Variants in XYLT1 observed in about 807,000 individuals in gnomAD.
XYLT1 encodes beta-D-xylosyltransferase 1.
A neutral mutation model predicts 91.3 loss-of-function variants in XYLT1; 36 were observed. That is an observed-to-expected ratio of 0.39 (90% CI 0.30 to 0.52). XYLT1 has a LOEUF of 0.52. Ranked by LOEUF, XYLT1 falls within the 20% of genes least tolerant of loss-of-function variation. XYLT1 has a pLI of 0.68. For synonymous variants in XYLT1, 588 were observed against 532.0 expected (o/e 1.11, Z -1.45); for missense variants, 1,242 against 1,284.5 (o/e 0.97, Z 0.51).
intron 1 of XYLT1, among the ~76,000 whole-genome samples, chr16:17,369,961 C>T (rs975640782): frequency 2.6e-5 from 4 of 152,196 alleles, no homozygotes; most frequent in Non-Finnish European, 5.9e-5. Context: ...CCCAGCTCTC[C>T]TTCTGTTCGG....
chr16:17,374,744 A>G (rs1019127375), intron 1 of XYLT1, among the ~76,000 whole-genome samples: 1 of 152,194 alleles, frequency 6.6e-6, no homozygotes, highest in African/African-American at 2.4e-5. Flanking sequence ...AGGTTAGAAA[A>G]CATCAATTTG....
chr16:17,216,027 G>A (rs1187182870), intron 3 of XYLT1, among the ~76,000 whole-genome samples: 1 of 152,234 alleles, frequency 6.6e-6, no homozygotes, highest in Admixed American at 6.5e-5. Context: ...GGGGTGGAAA[G>A]ACAGGCAGGG....
chr16:17,241,172 C>A (rs2033339732), intron 3 of XYLT1, among the ~76,000 whole-genome samples: 1 of 152,236 alleles, frequency 6.6e-6, no homozygotes, highest in Non-Finnish European at 1.5e-5. Flanking sequence ...CCACTGGGGT[C>A]CTCCCCATAG....
intron 3 of XYLT1, among the ~76,000 whole-genome samples, chr16:17,253,430 C>T (rs2033576262): frequency 6.6e-6 from 1 of 152,126 alleles, no homozygotes; most frequent in Non-Finnish European, 1.5e-5. Flanking sequence ...CACTGCAAAG[C>T]CATCCGGAGA....
chr16:17,130,335 G>C (rs1212232737), intron 9 of XYLT1, among the ~76,000 whole-genome samples: 1 of 152,242 alleles, frequency 6.6e-6, no homozygotes, highest in Admixed American at 6.5e-5. Flanking sequence ...CGTGACAATA[G>C]ACAAAGCACT....
At chr16:17,379,763 T>TCTCACACACACACA (rs373354877) in intron 1 of XYLT1, among the ~76,000 whole-genome samples, 4 of 125,622 alleles carry the variant, frequency 3.2e-5, no homozygotes, top group South Asian at 5.5e-4. Flanking sequence ...TCTCTCTCTC[T>TCTCACACACACACA]CACACACACA....
At chr16:17,135,118 C>A (rs368003716) in intron 8 of XYLT1, among the ~76,000 whole-genome samples, 1 of 152,116 alleles carries the variant, frequency 6.6e-6, no homozygotes, top group Non-Finnish European at 1.5e-5. Flanking sequence ...TGTATTTTAG[C>A]TAGCCATATT....
At chr16:17,298,345 C>T (rs557793252) in intron 2 of XYLT1, among the ~76,000 whole-genome samples, 49 of 152,292 alleles carry the variant, frequency 3.2e-4, no homozygotes, top group Non-Finnish European at 5.7e-4. Flanking sequence ...CCATGCCACA[C>T]GCAGAGCCCA....
At chr16:17,281,502 T>C (rs2034058079) in intron 2 of XYLT1, among the ~76,000 whole-genome samples, 1 of 151,698 alleles carries the variant, frequency 6.6e-6, no homozygotes, top group South Asian at 2.1e-4. Flanking sequence ...AACATTTATG[T>C]TGTTAAAAAA....
chr16:17,270,741 AC>A (rs1297463883), intron 2 of XYLT1, among the ~76,000 whole-genome samples: 26 of 152,314 alleles, frequency 1.7e-4, no homozygotes, highest in Admixed American at 1.7e-3. Context: ...AAAACACCCT[AC>A]CACCTGCTTT....
At chr16:17,398,946 G>A (rs561254366) in intron 1 of XYLT1, among the ~76,000 whole-genome samples, 303 of 151,818 alleles carry the variant, frequency 2.0e-3, no homozygotes, top group Non-Finnish European at 3.6e-3. Flanking sequence ...CCAGGTTCAG[G>A]TGATTCTCCT....
At chr16:17,244,020 A>G (rs2033393796) in intron 3 of XYLT1, among the ~76,000 whole-genome samples, 1 of 152,130 alleles carries the variant, frequency 6.6e-6, no homozygotes, top group Non-Finnish European at 1.5e-5. Context: ...TACGCTTTAG[A>G]TGCCAGTAGT....
In XYLT1 at chr16:17,243,410, C is replaced by G. The variant is rs193138993; in HGVS notation, c.913+15578G>C. On this transcript the variant is annotated intron_variant, in intron 3 of 11. Transcript: ENST00000261381. The stretch of plus-strand genomic sequence containing the variant: ...ATCTGAAACAAATCATCCAGTCTCA[C>G]TCTATAGGAGAATCCTCATCAGGTT... Among the ~76,000 whole-genome samples, 804 of 152,316 alleles carry G rather than the reference C, an allele frequency of 5.3e-3. 9 individuals are homozygous for G. Among genetic ancestry groups the G allele is most frequent in the African/African-American group, 0.019 (769 of 41,564 alleles).
chr16:17,300,329 C>A (rs561899521), intron 2 of XYLT1, among the ~76,000 whole-genome samples: 2 of 151,576 alleles, frequency 1.3e-5, no homozygotes, highest in Non-Finnish European at 2.9e-5. Flanking sequence ...ATTGCTATGG[C>A]GAGTTTTTAA....
rs1435269629 is a variant in XYLT1 at position 17,287,325 on chromosome 16, GC to G, written c.403-27828del. ...TTAACGCTCAGTGCAGTATCCTCAA[GC>G]AGGCAAACGCTCAGAACGTAGACGG... is the stretch of plus-strand genomic sequence containing the variant. On this transcript the variant is annotated intron_variant, in intron 2 of 11. Transcript: ENST00000261381. 2.6e-5 allele frequency among the ~76,000 whole-genome samples: 4 copies of G among 152,048 alleles called. No individual in the cohort carries two copies. In the East Asian group the frequency reaches 7.7e-4, roughly 29 times the overall value.
chr16:17,289,752 A>G (rs1596467514), intron 2 of XYLT1, among the ~76,000 whole-genome samples: 2 of 152,338 alleles, frequency 1.3e-5, no homozygotes, highest in Admixed American at 6.5e-5. Flanking sequence ...AAAGTTTGCA[A>G]AAAACCAAAA....
chr16:17,362,557 A>C (rs1367506139), intron 1 of XYLT1, among the ~76,000 whole-genome samples: 1 of 152,250 alleles, frequency 6.6e-6, no homozygotes, highest in Non-Finnish European at 1.5e-5. Flanking sequence ...TCTACACCTC[A>C]AAAGTCTTGC....
chr16:17,231,161 C>T (rs1481113840), intron 3 of XYLT1, among the ~76,000 whole-genome samples: 1 of 152,234 alleles, frequency 6.6e-6, no homozygotes, highest in African/African-American at 2.4e-5. Context: ...CTGACAAGGT[C>T]TGCAGCCAAA....
chr16:17,109,189 T>C (rs1248926896), intron 11 of XYLT1, among the ~76,000 whole-genome samples, 172 bp from the exon 12 acceptor site: 1 of 152,192 alleles, frequency 6.6e-6, no homozygotes, highest in Non-Finnish European at 1.5e-5. Context: ...CTGAGAAAAC[T>C]GAGCCCGTAA....
Sources: gnomAD v4.1 joint callset for allele counts (sites outside exome capture counted in the v4.1 genomes callset) on GRCh38, gnomAD v4.1.1 for gene constraint, MANE v1.5 for transcripts, NCBI Gene and HGNC (gene_info 2026-07-23, HGNC 2026-07-21) for gene names.